The following AATK variants were observed in gnomAD, a reference collection of about 807,000 sequenced individuals.
AATK encodes the protein lemur tail kinase 1.
Under a neutral mutation model 114.3 loss-of-function variants are expected in AATK, and 91 were observed. That is an observed-to-expected ratio of 0.80 (90% CI 0.67 to 0.95). AATK has a LOEUF of 0.95. Among genes scored for constraint, AATK ranks in the 40% least tolerant of loss-of-function variants. The probability of loss-of-function intolerance (pLI) is 0.00; values close to 1 mark genes in which losing one functional copy is unlikely to be tolerated. For missense variants in AATK, 2,176 were observed against 1,965.2 expected (o/e 1.11, Z -2.03); for synonymous variants, 1,075 against 916.5 (o/e 1.17, Z -3.12).
chr17:81,149,148 G>A (rs557921279), intron 1 of AATK, among the ~76,000 whole-genome samples: 3 of 152,136 alleles, frequency 2.0e-5, no homozygotes, highest in African/African-American at 7.2e-5. Context: ...GCCTCCTCCA[G>A]CTTCTGGGCA....
chr17:81,154,870 T>C (rs1469860451), intron 1 of AATK, among the ~76,000 whole-genome samples: 1 of 152,046 alleles, frequency 6.6e-6, no homozygotes, highest in African/African-American at 2.4e-5. Context: ...CCTCAGGTGA[T>C]CTGCCTGCCT....
chr17:81,119,979 C>G lies in AATK; in HGVS notation c.3840G>C (p.Pro1280=). Residue 1280 remains proline, a synonymous_variant, in exon 12 of 14, where the codon CCG becomes CCC. Transcript: ENST00000326724. ...CATTTGGGGAGCCATCAGCCTGCTG[C>G]GGCCGGTTGGGGGCGCTGGGAGAGC... is the stretch of plus-strand genomic sequence containing the variant. The part of the protein sequence containing the change: ...SPGSPSAPNR[P]QQADGSPNGS... 6.9e-7 allele frequency: 1 copy of G among 1,449,254 alleles called. No homozygotes were observed. Among genetic ancestry groups the G allele is most frequent in the Non-Finnish European group, 9.1e-7 (1 of 1,101,240 alleles). 89.8% of individuals were successfully genotyped at this position (1,449,254 alleles called of 1,614,324 possible). A position where few individuals can be genotyped will look rare whatever the true frequency, so the allele number is the denominator to read the frequency against.
chr17:81,162,098 C>G (rs1318436657), intron 1 of AATK, among the ~76,000 whole-genome samples: 1 of 151,944 alleles, frequency 6.6e-6, no homozygotes, highest in Admixed American at 6.6e-5. Flanking sequence ...AGTGCCGACA[C>G]CCACACCCTC....
At position 81,153,231 on chromosome 17, in the gene AATK, TAAC is replaced by T. The variant is rs574691695; in HGVS notation, c.55+12704_55+12706del. Among the ~76,000 whole-genome samples the T allele has an allele frequency of 9.2e-5, 14 of 152,316 alleles. No individual in the cohort carries two copies. In the South Asian group the frequency reaches 2.9e-3, roughly 32 times the overall value. On this transcript the variant is annotated intron_variant, in intron 1 of 13. Transcript: ENST00000326724. ...GAGCTTTCCTGGCTTGTTTCTGTAT[TAAC>T]AACTGGGAAAAGTACAGCACCTTAT...
At chr17:81,118,962 C>T (rs1032545554) in intron 13 of AATK, among the ~76,000 whole-genome samples, 3 of 152,182 alleles carry the variant, frequency 2.0e-5, no homozygotes, top group Non-Finnish European at 2.9e-5. Flanking sequence ...AGGGCCATGG[C>T]CGGGAGCGGT....
At chr17:81,129,759 C>G (rs965577818) in intron 3 of AATK, among the ~76,000 whole-genome samples, 1 of 152,150 alleles carries the variant, frequency 6.6e-6, no homozygotes, top group African/African-American at 2.4e-5. Context: ...CTCGGATGGT[C>G]CCTGGCAGCT....
chr17:81,123,398 C>G lies in AATK; in HGVS notation c.963-55G>C, dbSNP rs568288949. The stretch of plus-strand genomic sequence containing the variant: ...GGGCACAGCCTGCCACAGCAAGGAC[C>G]GCGCAGGATCCCCGGGGCGCCGAAT... On this transcript the variant is annotated intron_variant, in intron 9 of 13. Coordinates refer to ENST00000326724, the MANE Select transcript of AATK (RefSeq NM_001080395.3). 10 of 1,306,034 alleles carry G rather than the reference C, an allele frequency of 7.7e-6. No homozygotes were observed. The South Asian group carries it at 2.2e-4, about 29-fold the overall frequency. 80.9% of individuals were successfully genotyped at this position (1,306,034 alleles called of 1,614,324 possible). A position where few individuals can be genotyped will look rare whatever the true frequency, so the allele number is the denominator to read the frequency against.
chr17:81,131,156 C>G lies in AATK; in HGVS notation c.239G>C (p.Gly80Ala). The G allele has an allele frequency of 6.3e-7, 1 of 1,577,732 alleles. No homozygotes were observed. Among genetic ancestry groups the G allele is most frequent in the Non-Finnish European group, 8.6e-7 (1 of 1,163,114 alleles). ...GTTCTGTGCTGCCGTGGCCGGGGAG[C>G]CCTGCGCCAGGTCGGCTGCGTACTC... ...GDEYAADLAQGSPATAAQNGP... is the reference protein window; with the variant it reads ...GDEYAADLAQASPATAAQNGP... The change falls in exon 3 of 14, where the codon GGC becomes GCC. Residue 80 changes from glycine to alanine, a missense_variant. This residue lies in a region of AATK where 178 missense variants were observed against 175.4 expected (regional missense o/e 1.01). Transcript: ENST00000326724.
chr17:81,120,101 C>A lies in AATK; in HGVS notation c.3736-18G>T. ...GGGCTTTCCTGGAGGAATCAGAGAGCACCAGGTAGCTCGGCCGCCAGGAGC... is the reference window on the plus strand; with the variant it reads ...GGGCTTTCCTGGAGGAATCAGAGAGAACCAGGTAGCTCGGCCGCCAGGAGC... On this transcript the variant is annotated intron_variant, in intron 11 of 13. Transcript: ENST00000326724. The A allele has an allele frequency of 6.8e-7, 1 of 1,465,738 alleles. No individual in the cohort carries two copies. The highest frequency in any genetic ancestry group is 9.0e-7 in the Non-Finnish European group (1 of 1,106,220). 90.8% of individuals were successfully genotyped at this position (1,465,738 alleles called of 1,614,324 possible). A position where few individuals can be genotyped will look rare whatever the true frequency, so the allele number is the denominator to read the frequency against.
At chr17:81,145,216 G>A (rs1250586673) in intron 1 of AATK, among the ~76,000 whole-genome samples, 1 of 139,804 alleles carries the variant, frequency 7.2e-6, no homozygotes, top group Non-Finnish European at 1.5e-5. Flanking sequence ...CTGGGCTATC[G>A]ATAGAGTGAG....
chr17:81,124,160 G>A (rs1407356411), intron 9 of AATK, among the ~76,000 whole-genome samples: 19 of 131,034 alleles, frequency 1.5e-4, no homozygotes, highest in South Asian at 6.9e-4. Flanking sequence ...ACCAAAGCCC[G>A]GGAGTGGTGG....
In AATK at chr17:81,127,902, C is replaced by T; in HGVS notation, c.423G>A (p.Leu141=). The T allele has an allele frequency of 6.5e-7, 1 of 1,548,910 alleles. No individual in the cohort carries two copies. Among genetic ancestry groups the T allele is most frequent in the Non-Finnish European group, 8.7e-7 (1 of 1,146,904 alleles). The change falls in exon 5 of 14, where the codon CTG becomes CTA. Residue 141 remains leucine, a synonymous_variant. Coordinates refer to ENST00000326724, the MANE Select transcript of AATK (RefSeq NM_001080395.3). ...IGRGWFGKVF[L]GEVNSGISSA... ...TGCTGATGCCAGAGTTCACCTCCCC[C>T]AGGAACACCTGTGGGACAGACAGCA...
At position 81,131,166 on chromosome 17, in the gene AATK, G is replaced by C. The variant is rs373920229; in HGVS notation, c.229C>G (p.Leu77Val). 5.1e-6 allele frequency: 8 copies of C among 1,579,830 alleles called. No homozygotes were observed. Among genetic ancestry groups the C allele is most frequent in the Non-Finnish European group, 6.9e-6 (8 of 1,164,552 alleles). Residue 77 changes from leucine to valine, a missense_variant, in exon 3 of 14, where the codon CTG (leucine) becomes GTG (valine). This residue lies in a region of AATK where 178 missense variants were observed against 175.4 expected (regional missense o/e 1.01). Coordinates refer to ENST00000326724, the MANE Select transcript of AATK (RefSeq NM_001080395.3). Reference sequence around the variant, plus strand: ...GCCGTGGCCGGGGAGCCCTGCGCCAGGTCGGCTGCGTACTCGTCCCCCTCC... The same window carrying C: ...GCCGTGGCCGGGGAGCCCTGCGCCACGTCGGCTGCGTACTCGTCCCCCTCC... Reference protein sequence around the residue: ...NAEGDEYAADLAQGSPATAAQ... With the variant: ...NAEGDEYAADVAQGSPATAAQ...
At position 81,126,985 on chromosome 17, in the gene AATK, GCCAGCAGGGGAT is replaced by G. The variant is rs1330169446; in HGVS notation, c.622-437_622-426del. Among the ~76,000 whole-genome samples the G allele has an allele frequency of 4.0e-5, 6 of 150,284 alleles. No homozygotes were observed. Among genetic ancestry groups the G allele is most frequent in the Non-Finnish European group, 7.4e-5 (5 of 67,398 alleles). On this transcript the variant is annotated intron_variant, in intron 6 of 13. Coordinates refer to ENST00000326724, the MANE Select transcript of AATK (RefSeq NM_001080395.3). The surrounding 1 kb of genome is among the most constrained non-coding windows in gnomAD (Gnocchi z 5.1). ...TGTGAGGGCCCCTGTCCCGAGGGAA[GCCAGCAGGGGAT>G]CCAGCCCAGCCACAGACAGCCTCGG...
intron 2 of AATK, 121 bp from the exon 3 acceptor site, chr17:81,131,326 G>A (rs768708776): frequency 7.0e-5 from 94 of 1,338,690 alleles, no homozygotes; most frequent in Non-Finnish European, 8.8e-5. Flanking sequence ...GGGGGTGCTC[G>A]GCCCAGAGTT....
At chr17:81,132,964 GC>G (rs570561765) in intron 2 of AATK, 10 of 290,810 alleles carry the variant, frequency 3.4e-5, no homozygotes, top group Middle Eastern at 2.7e-3. Flanking sequence ...TTATACAATA[GC>G]CCCACTCGTC....
At chr17:81,150,922 G>A (rs1054416634) in intron 1 of AATK, among the ~76,000 whole-genome samples, 10 of 152,220 alleles carry the variant, frequency 6.6e-5, no homozygotes, top group African/African-American at 2.4e-4. Context: ...GGTACTGGGG[G>A]AGTCAGCATG....
At chr17:81,143,140 C>G (rs147699163) in intron 1 of AATK, among the ~76,000 whole-genome samples, 32 of 152,282 alleles carry the variant, frequency 2.1e-4, no homozygotes, top group Non-Finnish European at 3.8e-4. Flanking sequence ...CGAGAGTGGC[C>G]TGGCTGAGCC....
intron 1 of AATK, among the ~76,000 whole-genome samples, chr17:81,150,632 C>G (rs1297578734): frequency 6.6e-6 from 1 of 152,126 alleles, no homozygotes; most frequent in Non-Finnish European, 1.5e-5. Context: ...GAGCTCATTC[C>G]TCATCCAATG....
Sources: gnomAD v4.1 joint callset for allele counts (sites outside exome capture counted in the v4.1 genomes callset) on GRCh38, gnomAD v4.1.1 for gene constraint, gnomAD v4.1.1 regional missense constraint, Gnocchi (gnomAD v3.1) non-coding constraint, MANE v1.5 for transcripts, NCBI Gene and HGNC (gene_info 2026-07-23, HGNC 2026-07-21) for gene names.